The following PRKAR1A variants were observed in gnomAD, a reference collection of about 807,000 sequenced individuals.
PRKAR1A encodes cAMP-dependent protein kinase type I-alpha regulatory subunit.
A neutral mutation model predicts 52.0 loss-of-function variants in PRKAR1A; 3 were observed. The ratio of observed to expected loss-of-function variants is 0.06; its 90% CI spans 0.03 to 0.15. The LOEUF (loss-of-function observed/expected upper bound fraction) is 0.15. Ranked by LOEUF, PRKAR1A falls within the 10% of genes least tolerant of loss-of-function variation. The probability of loss-of-function intolerance (pLI) is 1.00; values close to 1 mark genes in which losing one functional copy is unlikely to be tolerated. For synonymous variants in PRKAR1A, 188 were observed against 168.4 expected, an observed-to-expected ratio of 1.12 and a Z score of -0.90; for missense variants, 240 against 477.4, an observed-to-expected ratio of 0.50 and a Z score of 4.63.
chr17:68,550,954 G>T, intron 11 of PRKAR1A: 1 of 735,068 alleles, frequency 1.4e-6, no homozygotes, highest in Non-Finnish European at 1.9e-6. Context: ...GCTCTCAATG[G>T]GCCTCCCCTT....
At chr17:68,465,813 A>T in the PRKAR1A span, among the ~76,000 whole-genome samples, 1 of 151,774 alleles carries the variant, frequency 6.6e-6, no homozygotes, top group Non-Finnish European at 1.5e-5. Context: ...GGCAATGGTG[A>T]TTCACAAAAG....
chr17:68,451,023 C>A, the PRKAR1A span: 1 of 1,330,182 alleles, frequency 7.5e-7, no homozygotes, highest in Non-Finnish European at 1.0e-6. Flanking sequence ...CGGCCAGGCG[C>A]CCTCTCTGAG....
the PRKAR1A span, among the ~76,000 whole-genome samples, chr17:68,439,533 C>T: frequency 1.3e-5 from 2 of 152,094 alleles, no homozygotes; most frequent in Non-Finnish European, 2.9e-5. Flanking sequence ...TGAAAATGCT[C>T]TAAAATTAAT....
At chr17:68,530,212 G>GTGC in intron 10 of PRKAR1A, 65 bp from the exon 11 acceptor site, 1 of 1,574,474 alleles carries the variant, frequency 6.4e-7, no homozygotes, top group Non-Finnish European at 8.7e-7. Flanking sequence ...TTTCTCAGAA[G>GTGC]TGCACTGCTT....
At chr17:68,426,556 A>T in the PRKAR1A span, among the ~76,000 whole-genome samples, 1 of 152,174 alleles carries the variant, frequency 6.6e-6, no homozygotes, top group African/African-American at 2.4e-5. Flanking sequence ...TTTTTGAAAC[A>T]GAGTCTCACT....
the PRKAR1A span, chr17:68,422,004 A>T: frequency 6.1e-6 from 4 of 657,224 alleles, no homozygotes; most frequent in Admixed American, 9.7e-5. Context: ...GTAGACAAGT[A>T]TGACACAGTT....
chr17:68,429,791 G>A, the PRKAR1A span, among the ~76,000 whole-genome samples: 1 of 152,118 alleles, frequency 6.6e-6, no homozygotes, highest in Non-Finnish European at 1.5e-5. Flanking sequence ...ATTTCACCAC[G>A]TTGGCCAGGC....
At chr17:68,421,116 G>T in the PRKAR1A span, 1 of 154,422 alleles carries the variant, frequency 6.5e-6, no homozygotes, top group Admixed American at 6.4e-5. Flanking sequence ...CCAAAGTTAG[G>T]TCGTTTTCCA....
the PRKAR1A span, among the ~76,000 whole-genome samples, chr17:68,439,179 T>C: frequency 3.9e-3 from 588 of 152,330 alleles, 2 homozygotes; most frequent in Admixed American, 7.8e-3. Context: ...AAAACTTGTA[T>C]ATGAATGTTC....
intron 11 of PRKAR1A, chr17:68,540,020 T>A: frequency 6.7e-7 from 1 of 1,486,522 alleles, no homozygotes; most frequent in Non-Finnish European, 9.4e-7. Flanking sequence ...GGACAGGTGC[T>A]CCTGACCTGA....
At chr17:68,478,796 C>T in the PRKAR1A span, among the ~76,000 whole-genome samples, 7 of 151,378 alleles carry the variant, frequency 4.6e-5, no homozygotes, top group Non-Finnish European at 7.4e-5. Context: ...GGCACGATCT[C>T]GGCTCACTGC....
chr17:68,430,933 A>ATTCT, the PRKAR1A span, among the ~76,000 whole-genome samples: 3 of 152,160 alleles, frequency 2.0e-5, no homozygotes, highest in Non-Finnish European at 4.4e-5. Context: ...TCTGGGAGGT[A>ATTCT]TTCTTTACTA....
At chr17:68,431,093 T>G in the PRKAR1A span, among the ~76,000 whole-genome samples, 4 of 152,162 alleles carry the variant, frequency 2.6e-5, no homozygotes, top group African/African-American at 9.7e-5. Context: ...AGCCCTGTGC[T>G]CCGGGCTGGG....
the PRKAR1A span, among the ~76,000 whole-genome samples, chr17:68,465,911 C>G: frequency 6.6e-6 from 1 of 151,966 alleles, no homozygotes; most frequent in African/African-American, 2.4e-5. Flanking sequence ...AGGTGAGAGG[C>G]TGGTATGTCA....
chr17:68,547,270 T>C (rs1007349709), intron 11 of PRKAR1A, among the ~76,000 whole-genome samples: 1 of 152,166 alleles, frequency 6.6e-6, no homozygotes, highest in African/African-American at 2.4e-5. Context: ...TTATCATTAT[T>C]ATTATTATTT....
the PRKAR1A span, among the ~76,000 whole-genome samples, chr17:68,478,321 G>A: frequency 1.3e-5 from 2 of 151,990 alleles, no homozygotes; most frequent in African/African-American, 2.4e-5. Context: ...GCATGGTGGC[G>A]TGCGCCTGTA....
the PRKAR1A span, among the ~76,000 whole-genome samples, chr17:68,489,316 GTATATATATATATATATGGAAAGTA>G: frequency 9.9e-4 from 26 of 26,178 alleles, no homozygotes; most frequent in African/African-American, 3.2e-3. Flanking sequence ...TATATGGAAA[GTATATATATATATATATGGAAAGTA>G]TATATATATA....
the PRKAR1A span, among the ~76,000 whole-genome samples, chr17:68,438,725 C>T: frequency 3.3e-5 from 5 of 152,146 alleles, no homozygotes; most frequent in East Asian, 3.9e-4. Flanking sequence ...CTCAGCCTGC[C>T]AAGTAGCTGG....
the PRKAR1A span, among the ~76,000 whole-genome samples, chr17:68,446,750 C>T: frequency 6.6e-6 from 1 of 152,214 alleles, no homozygotes; most frequent in East Asian, 1.9e-4. Context: ...GGGGCCTTGA[C>T]ATATGCCTCT....
Sources: gnomAD v4.1 joint callset for allele counts (sites outside exome capture counted in the v4.1 genomes callset) on GRCh38, gnomAD v4.1.1 for gene constraint, MANE v1.5 for transcripts, NCBI Gene and HGNC (gene_info 2026-07-23, HGNC 2026-07-21) for gene names.